Variants in MYT1L observed in about 807,000 individuals in gnomAD.
The protein encoded by MYT1L is myelin transcription factor 1-like protein.
In MYT1L, 12 loss-of-function variants were observed where a neutral mutation model predicts 126.7. That is an observed-to-expected ratio of 0.09 (90% confidence interval 0.06 to 0.15). The LOEUF is 0.15. Ranked by LOEUF, MYT1L falls within the 10% of genes least tolerant of loss-of-function variation. The pLI is 1.00. For synonymous variants in MYT1L, 541 were observed against 604.2 expected (o/e 0.90, Z 1.53); for missense variants, 979 against 1,585.2 (o/e 0.62, Z 6.49).
At chr2:1,956,644 CTATT>C (rs1439265380) in intron 8 of MYT1L, among the ~76,000 whole-genome samples, 211 of 150,324 alleles carry the variant, frequency 1.4e-3, no homozygotes, top group African/African-American at 4.7e-3. Context: ...ATCTAGCTAT[CTATT>C]TATCTATCTA....
At position 1,848,693 on chromosome 2, in the gene MYT1L, G is replaced by A. The variant is rs1558746820; in HGVS notation, c.2774+2948C>T. Among the ~76,000 whole-genome samples the A allele has an allele frequency of 6.6e-6, 1 of 152,084 alleles. No individual in the cohort carries two copies. Among genetic ancestry groups the A allele is most frequent in the Admixed American group, 6.5e-5 (1 of 15,276 alleles). Reference sequence around the variant, plus strand: ...CAGACCTTTAAGAGTTTCCTTGTTTGCTTGTTGGCTTCTGTCTGTCTGCAG... The same window carrying A: ...CAGACCTTTAAGAGTTTCCTTGTTTACTTGTTGGCTTCTGTCTGTCTGCAG... On this transcript the variant is annotated intron_variant, in intron 19 of 24. Transcript: ENST00000647738. This position sits in a 1 kb window ranked among gnomAD's most constrained non-coding sequence, Gnocchi z 4.8.
At chr2:1,970,800 G>A (rs2059758513) in intron 8 of MYT1L, among the ~76,000 whole-genome samples, 1 of 152,172 alleles carries the variant, frequency 6.6e-6, no homozygotes, top group African/African-American at 2.4e-5. Context: ...TGTACTGCAC[G>A]CAAATTTCTT....
At chr2:1,825,662 T>A (rs1309897470) in intron 21 of MYT1L, 1 of 152,242 alleles carries the variant, frequency 6.6e-6, no homozygotes, top group Non-Finnish European at 1.5e-5. Flanking sequence ...AGAATGATCC[T>A]ATTTGTTTGT....
intron 11 of MYT1L, among the ~76,000 whole-genome samples, chr2:1,916,387 G>A (rs2052830775): frequency 6.6e-6 from 1 of 152,160 alleles, no homozygotes; most frequent in African/African-American, 2.4e-5. Context: ...GTCTTAGACA[G>A]TAAGGGAAAC....
intron 3 of MYT1L, among the ~76,000 whole-genome samples, chr2:2,098,878 G>T (rs956844386): frequency 2.0e-5 from 3 of 152,158 alleles, no homozygotes; most frequent in African/African-American, 7.2e-5. Flanking sequence ...GATAGGTGGT[G>T]GGGTCTGCAG....
chr2:2,005,652 C>A (rs1574449310), intron 4 of MYT1L, among the ~76,000 whole-genome samples: 1 of 151,054 alleles, frequency 6.6e-6, no homozygotes, highest in African/African-American at 2.4e-5. Flanking sequence ...GCGTTCTTTC[C>A]TGAATATGTT....
In MYT1L at chr2:1,792,463, A is replaced by G; in HGVS notation, c.3278T>C (p.Ile1093Thr). 6.2e-7 allele frequency: 1 copy of G among 1,613,090 alleles called. No individual in the cohort carries two copies. The highest frequency in any genetic ancestry group is 8.5e-7 in the Non-Finnish European group (1 of 1,179,322). The change falls in exon 24 of 25, where the codon ATT (isoleucine) becomes ACT (threonine). Residue 1093 changes from isoleucine to threonine, a missense_variant and splice_region_variant. By Grantham distance (89) the Ile-to-Thr change is moderately conservative. This residue lies in a region of MYT1L where 179 missense variants were observed against 398.6 expected (regional missense o/e 0.45). Transcript: ENST00000647738. ...EADMIKLRTQ[I>T]TTMESNLKTI... ...CTTCAGGTTGCTCTCCATCGTGGTA[A>G]TCTGAAACGCACAAGTGTGCGTGAC...
chr2:2,315,313 C>A (rs2096047343), intron 1 of MYT1L, among the ~76,000 whole-genome samples: 1 of 131,012 alleles, frequency 7.6e-6, no homozygotes, highest in South Asian at 2.6e-4. Context: ...TATTGAAAAT[C>A]ATTGTCGGCA....
At position 1,922,013 on chromosome 2, in the gene MYT1L, CT is replaced by C. The variant is rs1481431981; in HGVS notation, c.1483+272del. 3.9e-5 allele frequency among the ~76,000 whole-genome samples: 6 copies of C among 152,324 alleles called. No individual in the cohort carries two copies. Among genetic ancestry groups the C allele is most frequent in the Admixed American group, 3.3e-4 (5 of 15,310 alleles). On this transcript the variant is annotated intron_variant, in intron 10 of 24. Transcript: ENST00000647738. This position sits in a 1 kb window ranked among gnomAD's most constrained non-coding sequence, Gnocchi z 7.4. Reference sequence around the variant, plus strand: ...CAAGTGATGTGTCTGTGCTTTACCCCTGTCTTCCCAAGGAATGCATTTCCCA... The same window carrying C: ...CAAGTGATGTGTCTGTGCTTTACCCCGTCTTCCCAAGGAATGCATTTCCCA...
chr2:2,227,043 T>A (rs2094027362), intron 2 of MYT1L, among the ~76,000 whole-genome samples: 1 of 152,122 alleles, frequency 6.6e-6, no homozygotes, highest in South Asian at 2.1e-4. Context: ...ACTCAGCAGA[T>A]CCTTCATTTC....
At chr2:1,980,416 G>C (rs947142867) in intron 5 of MYT1L, among the ~76,000 whole-genome samples, 4 of 151,582 alleles carry the variant, frequency 2.6e-5, no homozygotes, top group African/African-American at 9.7e-5. Context: ...TGTAGGTACA[G>C]TGGAAGAACA....
intron 13 of MYT1L, among the ~76,000 whole-genome samples, chr2:1,908,583 A>G (rs1013800728): frequency 3.9e-5 from 6 of 152,204 alleles, no homozygotes; most frequent in Non-Finnish European, 8.8e-5. Context: ...CTCAGCAACA[A>G]ATTTCTCCCT....
At chr2:1,969,249 G>A (rs536432305) in intron 8 of MYT1L, among the ~76,000 whole-genome samples, 6 of 152,180 alleles carry the variant, frequency 3.9e-5, no homozygotes, top group African/African-American at 7.2e-5. Context: ...CTGTGGGAAC[G>A]CCCCACCACC....
chr2:1,983,194 T>C (rs180781984), intron 5 of MYT1L, among the ~76,000 whole-genome samples: 14 of 152,314 alleles, frequency 9.2e-5, no homozygotes, highest in Admixed American at 2.6e-4. Context: ...TTCCTTCCAG[T>C]GCAATCCTGT....
intron 1 of MYT1L, among the ~76,000 whole-genome samples, chr2:2,287,466 T>C (rs2095539286): frequency 6.6e-6 from 1 of 152,188 alleles, no homozygotes; most frequent in Non-Finnish European, 1.5e-5. Context: ...TACTCAAAAG[T>C]AAGTGATTTA....
intron 2 of MYT1L, among the ~76,000 whole-genome samples, chr2:2,277,678 G>A (rs928825013): frequency 1.3e-5 from 2 of 152,216 alleles, no homozygotes; most frequent in Admixed American, 6.5e-5. Flanking sequence ...ACAGGATTAA[G>A]CAGCTATAAA....
chr2:2,138,767 C>G (rs1346244485), intron 3 of MYT1L, among the ~76,000 whole-genome samples: 1 of 146,736 alleles, frequency 6.8e-6, no homozygotes, highest in East Asian at 2.0e-4. Flanking sequence ...GTGGGTGCAG[C>G]GCACCAGCAT....
intron 3 of MYT1L, among the ~76,000 whole-genome samples, chr2:2,090,022 C>T (rs1387474985): frequency 6.6e-6 from 1 of 152,160 alleles, no homozygotes; most frequent in African/African-American, 2.4e-5. Context: ...ATGTTGAGTT[C>T]AAGCTTGTCC....
chr2:2,267,729 A>C (rs759226143), intron 2 of MYT1L, among the ~76,000 whole-genome samples: 26 of 152,188 alleles, frequency 1.7e-4, no homozygotes, highest in Non-Finnish European at 3.7e-4. Context: ...CAAGGAACGC[A>C]GGGGCATCGA....
Sources: gnomAD v4.1 joint callset for allele counts (sites outside exome capture counted in the v4.1 genomes callset) on GRCh38, gnomAD v4.1.1 for gene constraint, gnomAD v4.1.1 regional missense constraint, Gnocchi (gnomAD v3.1) non-coding constraint, MANE v1.5 for transcripts, NCBI Gene and HGNC (gene_info 2026-07-23, HGNC 2026-07-21) for gene names.